Variants in SSMEM1 observed in about 807,000 individuals in gnomAD.
SSMEM1 encodes the protein serine rich single-pass membrane protein 1, also known as serine-rich single-pass membrane protein 1.
SSMEM1 carries 12 observed loss-of-function variants against 9.9 expected under a neutral mutation model. That is an observed-to-expected ratio of 1.21 (90% CI 0.78 to 1.96). The LOEUF (loss-of-function observed/expected upper bound fraction) is 1.96. Among genes scored for constraint, SSMEM1 ranks in the 30% most tolerant of loss-of-function variants. The probability of loss-of-function intolerance (pLI) is 0.00; values close to 1 mark genes in which losing one functional copy is unlikely to be tolerated. For synonymous variants in SSMEM1, 96 were observed against 98.9 expected (o/e 0.97, Z 0.17); for missense variants, 259 against 292.2 (o/e 0.89, Z 0.83).
intron 1 of SSMEM1, among the ~76,000 whole-genome samples, chr7:130,213,267 G>T (rs1278776666): frequency 6.6e-6 from 1 of 152,082 alleles, no homozygotes; most frequent in African/African-American, 2.4e-5. Flanking sequence ...AGAATCACTT[G>T]AACCCGGAAG....
chr7:130,205,568 G>T, upstream of SSMEM1: 1 of 786,906 alleles, frequency 1.3e-6, no homozygotes, highest in Non-Finnish European at 2.1e-6. Flanking sequence ...CGGTTTTGCG[G>T]CTCCCACTCA....
intron 2 of SSMEM1, 51 bp from the exon 3 acceptor site, chr7:130,215,923 T>C (rs1163870836): frequency 1.9e-6 from 3 of 1,586,538 alleles, no homozygotes; most frequent in Admixed American, 1.8e-5. Flanking sequence ...GTAATAGGAA[T>C]TCATAGTAAC....
chr7:130,207,622 G>T, upstream of SSMEM1: 1 of 443,220 alleles, frequency 2.3e-6, no homozygotes, highest in East Asian at 5.3e-5. Flanking sequence ...ACACTTAGAC[G>T]TGAAGATAGG....
At chr7:130,208,818 C>G (rs1042840319) in intron 1 of SSMEM1, among the ~76,000 whole-genome samples, 1 of 152,156 alleles carries the variant, frequency 6.6e-6, no homozygotes, top group Admixed American at 6.5e-5. Context: ...AGATATCCCA[C>G]TTTATCAGGA....
At chr7:130,211,492 C>G (rs572375322) in intron 1 of SSMEM1, among the ~76,000 whole-genome samples, 2 of 152,186 alleles carry the variant, frequency 1.3e-5, no homozygotes, top group African/African-American at 4.8e-5. Context: ...ACTCCGCTTT[C>G]AAGATTTTTG....
upstream of SSMEM1, among the ~76,000 whole-genome samples, chr7:130,206,293 GA>G (rs914554205): frequency 1.4e-3 from 219 of 151,458 alleles, no homozygotes; most frequent in African/African-American, 4.9e-3. Flanking sequence ...AGGTGAGGTG[GA>G]TGCAGTGCTC....
At chr7:130,214,699 T>G (rs1396284741) in intron 2 of SSMEM1, among the ~76,000 whole-genome samples, 1 of 152,234 alleles carries the variant, frequency 6.6e-6, no homozygotes, top group African/African-American at 2.4e-5. Flanking sequence ...GTCAGTGATG[T>G]GAGTGACTTC....
chr7:130,214,283 G>A (rs944074987), intron 2 of SSMEM1, among the ~76,000 whole-genome samples: 4 of 152,148 alleles, frequency 2.6e-5, no homozygotes, highest in East Asian at 1.9e-4. Flanking sequence ...ATGGTTGTTC[G>A]CACCTGCGGT....
upstream of SSMEM1, among the ~76,000 whole-genome samples, chr7:130,205,837 C>T (rs1381967587): frequency 6.8e-6 from 1 of 146,816 alleles, no homozygotes; most frequent in Admixed American, 6.7e-5. Flanking sequence ...GAGTCCTGAC[C>T]CCATGTAATT....
At chr7:130,209,315 GAGA>G (rs570336249) in intron 1 of SSMEM1, among the ~76,000 whole-genome samples, 1 of 152,350 alleles carries the variant, frequency 6.6e-6, no homozygotes, top group South Asian at 2.1e-4. Flanking sequence ...GGATGGGGTG[GAGA>G]AGGTTTGTTA....
At position 130,216,767 on chromosome 7, in the gene SSMEM1, G is replaced by T; in HGVS notation, c.*297G>T. On this transcript the variant is annotated 3_prime_UTR_variant, in exon 3 of 3. Coordinates refer to ENST00000297819, the MANE Select transcript of SSMEM1 (RefSeq NM_145268.4). ...CTTGAGTGTATATATTTTGTGCCTT[G>T]AGTGTATGTATTTTGTTTATGTCTG... is the stretch of plus-strand genomic sequence containing the variant. The T allele has an allele frequency of 2.9e-6, 1 of 345,010 alleles. No individual in the cohort carries two copies. Among genetic ancestry groups the T allele is most frequent in the South Asian group, 4.6e-5 (1 of 21,864 alleles). 21.4% of individuals were successfully genotyped at this position (345,010 alleles called of 1,614,324 possible). A position where few individuals can be genotyped will look rare whatever the true frequency, so the allele number is the denominator to read the frequency against.
intron 2 of SSMEM1, 90 bp from the exon 3 acceptor site, chr7:130,215,884 G>C: frequency 3.3e-6 from 5 of 1,509,790 alleles, no homozygotes; most frequent in Non-Finnish European, 4.5e-6. Context: ...GCCACTAAGA[G>C]TGAGCTCACA....
chr7:130,207,848 GAA>G, upstream of SSMEM1: 1 of 1,547,478 alleles, frequency 6.5e-7, no homozygotes, highest in Non-Finnish European at 8.9e-7. Flanking sequence ...TAGAGGGAGT[GAA>G]GTAGTTCCCA....
intron 1 of SSMEM1, among the ~76,000 whole-genome samples, chr7:130,213,236 T>C (rs1303809089): frequency 6.6e-6 from 1 of 151,948 alleles, no homozygotes; most frequent in African/African-American, 2.4e-5. Flanking sequence ...TAATCCCAGC[T>C]ACTTGGGAGG....
rs370752819 is a variant in SSMEM1, at chr7:130,213,455, T to C, written c.184-25T>C. On this transcript the variant is annotated intron_variant, in intron 1 of 2. Coordinates refer to ENST00000297819, the MANE Select transcript of SSMEM1 (RefSeq NM_145268.4). ...TATCAAAAAACAACTGAGATCACTC[T>C]TACTAACCTATGTTTCTGAAACAGA... is the stretch of plus-strand genomic sequence containing the variant. 6 of 1,604,758 alleles carry C rather than the reference T, an allele frequency of 3.7e-6. No individual in the cohort carries two copies. The African/African-American group carries it at 6.7e-5, about 18-fold the overall frequency.
At chr7:130,205,465 TAA>T, upstream of SSMEM1, 4 of 1,600,758 alleles carry the variant, frequency 2.5e-6, no homozygotes, top group South Asian at 3.3e-5. Flanking sequence ...CAAGCGGCTC[TAA>T]AGTTACCGGA....
upstream of SSMEM1, chr7:130,205,566 C>A: frequency 1.3e-6 from 1 of 799,068 alleles, no homozygotes; most frequent in Admixed American, 2.3e-5. Flanking sequence ...CTCGGTTTTG[C>A]GGCTCCCACT....
chr7:130,215,957 G>A lies in SSMEM1; in HGVS notation c.239-17G>A, dbSNP rs776940703. 6.2e-7 allele frequency: 1 copy of A among 1,611,274 alleles called. No homozygotes were observed. Among genetic ancestry groups the A allele is most frequent in the Non-Finnish European group, 8.5e-7 (1 of 1,178,612 alleles). On this transcript the variant is annotated splice_polypyrimidine_tract_variant and intron_variant, in intron 2 of 2. Coordinates refer to ENST00000297819, the MANE Select transcript of SSMEM1 (RefSeq NM_145268.4). ...ACCAACAATATTACTAACTTGATAT[G>A]TTTCATTGGTTGTTAGCAAGCAAAG...
chr7:130,211,194 G>A (rs933361011), intron 1 of SSMEM1, among the ~76,000 whole-genome samples: 4 of 126,454 alleles, frequency 3.2e-5, no homozygotes, highest in Non-Finnish European at 4.7e-5. Context: ...GAGTCTCGCT[G>A]TCACCCAAGC....
Sources: allele counts gnomAD v4.1 joint callset (sites outside exome capture counted in the v4.1 genomes callset), GRCh38; gene constraint gnomAD v4.1.1; transcripts MANE v1.5; gene names NCBI Gene and HGNC (gene_info 2026-07-23, HGNC 2026-07-21).